Variants in MACROD2 observed in about 807,000 individuals in gnomAD.
MACROD2 encodes mono-ADP ribosylhydrolase 2, also known as ADP-ribose glycohydrolase MACROD2.
A neutral mutation model predicts 70.4 loss-of-function variants in MACROD2; 36 were observed. That is an observed-to-expected ratio of 0.51 (90% CI 0.39 to 0.68). The LOEUF is 0.68. MACROD2 is among the 30% of genes least tolerant of loss of function. The pLI is 0.00. For missense variants in MACROD2, 496 were observed against 538.4 expected (o/e 0.92, Z 0.78); for synonymous variants, 172 against 178.8 (o/e 0.96, Z 0.30).
chr20:14,098,170 AT>A (rs2054253615), intron 3 of MACROD2, among the ~76,000 whole-genome samples: 1 of 152,150 alleles, frequency 6.6e-6, no homozygotes, highest in Non-Finnish European at 1.5e-5. Flanking sequence ...ATTTGAAAAA[AT>A]TTTTATATGA....
chr20:14,656,117 C>T (rs1185738785), intron 4 of MACROD2, among the ~76,000 whole-genome samples: 1 of 152,170 alleles, frequency 6.6e-6, no homozygotes, highest in East Asian at 1.9e-4. Flanking sequence ...CCCACTTTTC[C>T]CATAGCCAAT....
At chr20:14,719,760 T>A (rs1158751375) in intron 5 of MACROD2, among the ~76,000 whole-genome samples, 1 of 152,164 alleles carries the variant, frequency 6.6e-6, no homozygotes, top group African/African-American at 2.4e-5. Context: ...GAAATTGTAG[T>A]TTACATTACT....
chr20:14,651,363 A>C (rs1422335714), intron 4 of MACROD2, among the ~76,000 whole-genome samples: 1 of 152,192 alleles, frequency 6.6e-6, no homozygotes, highest in Non-Finnish European at 1.5e-5. Flanking sequence ...AGCATTAGTT[A>C]GAACTAGACC....
chr20:15,178,434 G>A (rs1194858210), intron 5 of MACROD2, among the ~76,000 whole-genome samples: 1 of 152,132 alleles, frequency 6.6e-6, no homozygotes, highest in African/African-American at 2.4e-5. Context: ...TATGACATTT[G>A]TCCAAAGTCA....
At chr20:14,336,636 C>A (rs1219885650) in intron 3 of MACROD2, among the ~76,000 whole-genome samples, 1 of 152,198 alleles carries the variant, frequency 6.6e-6, no homozygotes, top group Non-Finnish European at 1.5e-5. Flanking sequence ...AAACTCACTG[C>A]ATACATCAGG....
At chr20:14,460,264 T>G (rs1320683056) in intron 3 of MACROD2, among the ~76,000 whole-genome samples, 1 of 152,116 alleles carries the variant, frequency 6.6e-6, no homozygotes, top group Non-Finnish European at 1.5e-5. Flanking sequence ...CTGGGTCAAA[T>G]GGTATTTCTG....
intron 3 of MACROD2, among the ~76,000 whole-genome samples, chr20:14,232,874 G>A (rs771937326): frequency 3.2e-4 from 49 of 152,228 alleles, no homozygotes; most frequent in African/African-American, 4.3e-4. Flanking sequence ...GGCTTTTGAC[G>A]TGTCCTCCTC....
chr20:14,134,605 G>C (rs934984089), intron 3 of MACROD2, among the ~76,000 whole-genome samples: 1 of 152,022 alleles, frequency 6.6e-6, no homozygotes, highest in Admixed American at 6.6e-5. Flanking sequence ...AGGAGATCAA[G>C]ACCATCCTGG....
chr20:14,283,209 A>G (rs368325989), intron 3 of MACROD2, among the ~76,000 whole-genome samples: 5 of 152,306 alleles, frequency 3.3e-5, no homozygotes, highest in East Asian at 3.9e-4. Flanking sequence ...TGAAATGAAC[A>G]TCTTAACTGG....
At chr20:14,387,566 T>A (rs973589605) in intron 3 of MACROD2, among the ~76,000 whole-genome samples, 2 of 152,220 alleles carry the variant, frequency 1.3e-5, no homozygotes, top group African/African-American at 4.8e-5. Flanking sequence ...CCAGCCTCTG[T>A]GCTTCTGTGC....
chr20:14,778,408 T>C (rs191501713), intron 5 of MACROD2, among the ~76,000 whole-genome samples: 32 of 152,194 alleles, frequency 2.1e-4, no homozygotes, highest in Non-Finnish European at 2.9e-4. Context: ...TCACCTCATG[T>C]CTGTATTCAT....
chr20:15,246,550 TAATC>T (rs1348798089), intron 6 of MACROD2, among the ~76,000 whole-genome samples: 1 of 152,186 alleles, frequency 6.6e-6, no homozygotes, highest in East Asian at 1.9e-4. Context: ...GATCTTCCCT[TAATC>T]AAATCAATGG....
intron 5 of MACROD2, among the ~76,000 whole-genome samples, chr20:15,028,151 G>A (rs1273213345): frequency 6.6e-6 from 1 of 152,200 alleles, no homozygotes; most frequent in Non-Finnish European, 1.5e-5. Context: ...GCCCCTGGAG[G>A]GAAGACCAGT....
chr20:15,370,365 GAC>G (rs2045474639), intron 6 of MACROD2, among the ~76,000 whole-genome samples: 1 of 151,962 alleles, frequency 6.6e-6, no homozygotes, highest in Non-Finnish European at 1.5e-5. Flanking sequence ...TAAAAAAGAA[GAC>G]ACACTCCAAT....
intron 4 of MACROD2, among the ~76,000 whole-genome samples, chr20:14,675,723 AC>A (rs1262164393): frequency 2.6e-5 from 4 of 152,192 alleles, no homozygotes; most frequent in Non-Finnish European, 4.4e-5. Context: ...TTAAATATAA[AC>A]AGGCTAAATG....
intron 3 of MACROD2, among the ~76,000 whole-genome samples, chr20:14,244,321 T>C (rs2081952563): frequency 6.6e-6 from 1 of 152,114 alleles, no homozygotes; most frequent in Admixed American, 6.6e-5. Flanking sequence ...CGCTGGAATG[T>C]TGGTCAAAAT....
intron 5 of MACROD2, among the ~76,000 whole-genome samples, chr20:15,139,110 G>A (rs1480707933): frequency 6.6e-6 from 1 of 152,124 alleles, no homozygotes; most frequent in Non-Finnish European, 1.5e-5. Flanking sequence ...CTGAAACTTA[G>A]TATTCGTTTT....
At chr20:14,978,778 C>T (rs2074766969) in intron 5 of MACROD2, among the ~76,000 whole-genome samples, 1 of 149,918 alleles carries the variant, frequency 6.7e-6, no homozygotes, top group Admixed American at 6.7e-5. Flanking sequence ...TGCAGCTCTG[C>T]CAGCAATTTT....
At chr20:14,269,945 A>T (rs1230482125) in intron 3 of MACROD2, among the ~76,000 whole-genome samples, 2 of 152,124 alleles carry the variant, frequency 1.3e-5, no homozygotes, top group Admixed American at 6.5e-5. Flanking sequence ...GGTTACTCCC[A>T]TTCCTTAGGG....
Sources: gnomAD v4.1 joint callset for allele counts (sites outside exome capture counted in the v4.1 genomes callset) on GRCh38, gnomAD v4.1.1 for gene constraint, MANE v1.5 for transcripts, NCBI Gene and HGNC (gene_info 2026-07-23, HGNC 2026-07-21) for gene names.